PLCB1: variants seen among roughly 807,000 people sequenced by gnomAD.
PLCB1 encodes the protein 1-phosphatidylinositol 4,5-bisphosphate phosphodiesterase beta-1.
A neutral mutation model predicts 161.8 loss-of-function variants in PLCB1; 46 were observed. That is an observed-to-expected ratio of 0.28 (90% CI 0.22 to 0.36). The LOEUF (loss-of-function observed/expected upper bound fraction) is 0.36, where lower values mean the gene tolerates loss of function less well. Among genes scored for constraint, PLCB1 ranks in the 10% least tolerant of loss-of-function variants. The pLI, the probability that PLCB1 is intolerant of heterozygous loss-of-function variation, is 1.00. For missense variants in PLCB1, 1,016 were observed against 1,472.5 expected (o/e 0.69, Z 5.07); for synonymous variants, 517 against 503.7 (o/e 1.03, Z -0.35).
At chr20:8,139,136 G>C (rs2051378525) in intron 1 of PLCB1, among the ~76,000 whole-genome samples, 1 of 128,544 alleles carries the variant, frequency 7.8e-6, no homozygotes, top group Non-Finnish European at 1.5e-5. Flanking sequence ...ACCCAGGCTA[G>C]AGTGCAGTGG....
chr20:8,594,176 C>A (rs1282445492), intron 3 of PLCB1, among the ~76,000 whole-genome samples: 1 of 152,176 alleles, frequency 6.6e-6, no homozygotes, highest in Non-Finnish European at 1.5e-5. Flanking sequence ...GCTAGGACTA[C>A]AGGCATGAAC....
intron 12 of PLCB1, among the ~76,000 whole-genome samples, chr20:8,710,075 C>T (rs1185822249): frequency 3.3e-5 from 5 of 152,044 alleles, no homozygotes; most frequent in African/African-American, 1.2e-4. Context: ...TAAAGAAATG[C>T]CTGGGTAAGA....
intron 3 of PLCB1, among the ~76,000 whole-genome samples, chr20:8,619,560 A>G (rs1054911876): frequency 6.6e-6 from 1 of 152,228 alleles, no homozygotes; most frequent in African/African-American, 2.4e-5. Flanking sequence ...CATGTGATAC[A>G]TTAGAGTTTG....
intron 3 of PLCB1, among the ~76,000 whole-genome samples, chr20:8,391,823 A>ATATG (rs1987612721): frequency 7.6e-6 from 1 of 131,932 alleles, no homozygotes; most frequent in South Asian, 2.4e-4. Context: ...ATATATATAT[A>ATATG]TACACACACA....
intron 11 of PLCB1, among the ~76,000 whole-genome samples, chr20:8,699,164 G>A (rs1056778084): frequency 6.6e-6 from 1 of 152,176 alleles, no homozygotes; most frequent in African/African-American, 2.4e-5. Context: ...ACAACCTCTC[G>A]CACTAGGTCC....
intron 2 of PLCB1, among the ~76,000 whole-genome samples, chr20:8,199,831 A>G (rs1215717223): frequency 6.6e-6 from 1 of 152,168 alleles, no homozygotes; most frequent in African/African-American, 2.4e-5. Context: ...TGTAATAGGT[A>G]ATATCTTAAG....
At chr20:8,758,288 A>G (rs1003204894) in intron 24 of PLCB1, among the ~76,000 whole-genome samples, 8 of 151,848 alleles carry the variant, frequency 5.3e-5, no homozygotes, top group African/African-American at 1.5e-4. Flanking sequence ...ACTGCTTTTT[A>G]AAAGGTTGCT....
At chr20:8,299,178 G>A (rs778116842) in intron 2 of PLCB1, among the ~76,000 whole-genome samples, 2 of 151,998 alleles carry the variant, frequency 1.3e-5, no homozygotes, top group Non-Finnish European at 2.9e-5. Context: ...TGCTGGAGTG[G>A]CCCCATGTCT....
intron 2 of PLCB1, among the ~76,000 whole-genome samples, chr20:8,256,526 T>C (rs552421393): frequency 1.3e-5 from 2 of 152,256 alleles, no homozygotes; most frequent in South Asian, 4.1e-4. Context: ...AAGTACAGTG[T>C]CACTTTGACC....
intron 3 of PLCB1, among the ~76,000 whole-genome samples, chr20:8,415,365 A>C (rs989699644): frequency 2.4e-4 from 37 of 152,350 alleles, no homozygotes; most frequent in Admixed American, 2.2e-3. Flanking sequence ...GTTTAAAGGA[A>C]GGAAACATTA....
chr20:8,778,772 C>T (rs778654399), intron 27 of PLCB1, among the ~76,000 whole-genome samples: 4 of 152,178 alleles, frequency 2.6e-5, no homozygotes, highest in Admixed American at 6.6e-5. Context: ...GTTAGGAAGG[C>T]TAAAGCCTGA....
chr20:8,720,051 T>C (rs932152120), intron 14 of PLCB1, among the ~76,000 whole-genome samples: 1 of 152,228 alleles, frequency 6.6e-6, no homozygotes, highest in Non-Finnish European at 1.5e-5. Context: ...TTTTCAAAAA[T>C]AATTTCTGTA....
chr20:8,402,843 T>C (rs982651917), intron 3 of PLCB1, among the ~76,000 whole-genome samples: 11 of 151,988 alleles, frequency 7.2e-5, no homozygotes, highest in Admixed American at 6.6e-4. Flanking sequence ...AGACTCCATC[T>C]CAAAAAAATA....
chr20:8,676,017 T>G (rs752215833), intron 9 of PLCB1, among the ~76,000 whole-genome samples: 1 of 152,244 alleles, frequency 6.6e-6, no homozygotes, highest in Non-Finnish European at 1.5e-5. Flanking sequence ...ACTATTTATG[T>G]ATTTATTCTT....
intron 2 of PLCB1, among the ~76,000 whole-genome samples, chr20:8,181,565 A>T (rs1282813500): frequency 6.6e-6 from 1 of 152,210 alleles, no homozygotes; most frequent in Non-Finnish European, 1.5e-5. Context: ...TGGCCTTTTT[A>T]GTCCAAGTGA....
At chr20:8,200,243 T>C (rs1041286056) in intron 2 of PLCB1, among the ~76,000 whole-genome samples, 1 of 152,040 alleles carries the variant, frequency 6.6e-6, no homozygotes, top group African/African-American at 2.4e-5. Flanking sequence ...GTATTGTTTT[T>C]GCAGCATACT....
At chr20:8,610,335 A>G (rs1220837301) in intron 3 of PLCB1, among the ~76,000 whole-genome samples, 1 of 152,190 alleles carries the variant, frequency 6.6e-6, no homozygotes, top group African/African-American at 2.4e-5. Flanking sequence ...TTAATTGTCA[A>G]ATATTACTCA....
intron 2 of PLCB1, among the ~76,000 whole-genome samples, chr20:8,297,175 G>A (rs1983672748): frequency 6.6e-6 from 1 of 151,896 alleles, no homozygotes; most frequent in South Asian, 2.1e-4. Context: ...GCATATGCAT[G>A]TATACATGCA....
At chr20:8,303,974 C>A (rs1213859813) in intron 2 of PLCB1, among the ~76,000 whole-genome samples, 1 of 152,146 alleles carries the variant, frequency 6.6e-6, no homozygotes, top group African/African-American at 2.4e-5. Flanking sequence ...AAAACCAGGT[C>A]CTCATCTCAA....
Sources: gnomAD v4.1 joint callset for allele counts (sites outside exome capture counted in the v4.1 genomes callset) on GRCh38, gnomAD v4.1.1 for gene constraint, MANE v1.5 for transcripts, NCBI Gene and HGNC (gene_info 2026-07-23, HGNC 2026-07-21) for gene names.